NUP35: variants seen among roughly 807,000 people sequenced by gnomAD.
NUP35 encodes nucleoporin NUP35.
NUP35 carries 25 observed loss-of-function variants against 41.5 expected under a neutral mutation model. The observed-to-expected ratio is 0.60, with a 90% CI of 0.44 to 0.84. The LOEUF is 0.84. Among genes scored for constraint, NUP35 ranks in the 40% least tolerant of loss-of-function variants. NUP35 has a pLI of 0.00. For missense variants in NUP35, 396 were observed against 396.6 expected, an observed-to-expected ratio of 1.00 and a Z score of 0.01; for synonymous variants, 149 against 130.7, an observed-to-expected ratio of 1.14 and a Z score of -0.96.
intron 1 of NUP35, among the ~76,000 whole-genome samples, 170 bp from the exon 2 acceptor site, chr2:183,128,117 G>A (rs773299144): frequency 6.6e-5 from 10 of 151,116 alleles, no homozygotes; most frequent in Non-Finnish European, 1.3e-4. Flanking sequence ...CATTTTTCTA[G>A]AAATATTTTT....
intron 4 of NUP35, among the ~76,000 whole-genome samples, chr2:183,150,959 G>A (rs570757360): frequency 1.8e-4 from 28 of 152,330 alleles, no homozygotes; most frequent in African/African-American, 6.7e-4. Flanking sequence ...ATTGGTGGCT[G>A]TTACTGAAGA....
Position 183,161,156 on chromosome 2 carries a change from A to AACTCTGTTTTAGTGTAG in NUP35, c.*25_*26insACTCTGTTTTAGTGTAG. ...GTAGAACACCAAGAAGGAGGTTGCTACACTAAAACAGAGTTAGCAGAGTGC... is the reference window on the plus strand; with the variant it reads ...GTAGAACACCAAGAAGGAGGTTGCTAACTCTGTTTTAGTGTAGCACTAAAACAGAGTTAGCAGAGTGC... On this transcript the variant is annotated 3_prime_UTR_variant, in exon 9 of 9. Coordinates refer to ENST00000295119, the MANE Select transcript of NUP35 (RefSeq NM_138285.5). 2 of 1,568,724 alleles carry AACTCTGTTTTAGTGTAG rather than the reference A, an allele frequency of 1.3e-6. No individual in the cohort carries two copies. The highest frequency in any genetic ancestry group is 1.8e-6 in the Non-Finnish European group (2 of 1,140,476).
intron 3 of NUP35, among the ~76,000 whole-genome samples, chr2:183,132,794 G>A (rs1425194862): frequency 2.0e-5 from 3 of 152,200 alleles, no homozygotes; most frequent in Admixed American, 1.3e-4. Flanking sequence ...TATGCCCCCT[G>A]GAATTTGCTC....
chr2:183,143,898 G>T (rs1038178922), intron 4 of NUP35, among the ~76,000 whole-genome samples: 5 of 152,156 alleles, frequency 3.3e-5, no homozygotes, highest in African/African-American at 1.2e-4. Flanking sequence ...TCGGTATAAT[G>T]TGTGTGCCAT....
Position 183,154,577 on chromosome 2 carries a change from A to G in NUP35, c.540-2867A>G, listed in dbSNP as rs146122570. Among the ~76,000 whole-genome samples the G allele has an allele frequency of 6.4e-3, 975 of 152,266 alleles. 9 individuals are homozygous for G. Among genetic ancestry groups the G allele is most frequent in the African/African-American group, 0.022 (922 of 41,552 alleles). ...AGAGTCACCTTTGCTCCAGTCGCCA[A>G]CAAGTTCCTCATCTCCATCTGAGAC... is the stretch of plus-strand genomic sequence containing the variant. On this transcript the variant is annotated intron_variant, in intron 5 of 8. Coordinates refer to ENST00000295119, the MANE Select transcript of NUP35 (RefSeq NM_138285.5).
chr2:183,147,283 A>G (rs763553243), intron 4 of NUP35, among the ~76,000 whole-genome samples: 9 of 152,186 alleles, frequency 5.9e-5, no homozygotes, highest in Non-Finnish European at 1.0e-4. Context: ...GCCTAGGCCA[A>G]TGTCCAGAAG....
Position 183,128,473 on chromosome 2 carries a change from A to G in NUP35, c.211+16A>G, listed in dbSNP as rs765568758. 7 of 1,604,810 alleles carry G rather than the reference A, an allele frequency of 4.4e-6. No individual in the cohort carries two copies. The South Asian group carries it at 6.7e-5, about 15-fold the overall frequency. Reference sequence around the variant, plus strand: ...TTACTTGCAGGTAGGTGAATTGCTTAAAATAATTTTATAGACATGCTAGAT... The same window carrying G: ...TTACTTGCAGGTAGGTGAATTGCTTGAAATAATTTTATAGACATGCTAGAT... On this transcript the variant is annotated intron_variant, in intron 2 of 8. Coordinates refer to ENST00000295119, the MANE Select transcript of NUP35 (RefSeq NM_138285.5).
chr2:183,141,310 GA>G (rs1685089049), intron 4 of NUP35, among the ~76,000 whole-genome samples: 1 of 152,086 alleles, frequency 6.6e-6, no homozygotes, highest in African/African-American at 2.4e-5. Context: ...CCCATCTGAG[GA>G]TCTGTAATCA....
In NUP35 at chr2:183,133,585, A is replaced by G. The variant is rs1684772821; in HGVS notation, c.359A>G (p.Gln120Arg). 3 of 1,601,948 alleles carry G rather than the reference A, an allele frequency of 1.9e-6. No individual in the cohort carries two copies. The highest frequency in any genetic ancestry group is 2.6e-6 in the Non-Finnish European group (3 of 1,176,378). ...GTGTAGCCAAACATTTCAGTAATGC[A>G]GAGTCCTCTTGTTGGAGTTACATCT... is the stretch of plus-strand genomic sequence containing the variant. Reference protein sequence around the residue: ...SRRQPNISVMQSPLVGVTSTP... With the variant: ...SRRQPNISVMRSPLVGVTSTP... The change falls in exon 4 of 9, where the codon CAG (glutamine) becomes CGG (arginine). Residue 120 changes from glutamine to arginine, a missense_variant. Coordinates refer to ENST00000295119, the MANE Select transcript of NUP35 (RefSeq NM_138285.5).
chr2:183,118,207 T>C (rs1233291436), intron 1 of NUP35: 1 of 152,198 alleles, frequency 6.6e-6, no homozygotes, highest in Non-Finnish European at 1.5e-5. Flanking sequence ...AGGAAACAGG[T>C]TCCATTTGAC....
upstream of NUP35, among the ~76,000 whole-genome samples, chr2:183,121,955 T>C (rs1700074636): frequency 6.7e-6 from 1 of 150,072 alleles, no homozygotes; most frequent in Admixed American, 6.7e-5. Context: ...CTAGGGTACA[T>C]GTGCACAACG....
chr2:183,129,753 C>A (rs900378263), intron 2 of NUP35, among the ~76,000 whole-genome samples: 3 of 152,190 alleles, frequency 2.0e-5, no homozygotes, highest in Admixed American at 1.3e-4. Flanking sequence ...TAGTCTTATT[C>A]CATAGACTGT....
chr2:183,159,357 A>G (rs1685784680), intron 7 of NUP35, 131 bp from the exon 8 acceptor site: 3 of 727,718 alleles, frequency 4.1e-6, no homozygotes, highest in East Asian at 5.9e-5. Flanking sequence ...GCCTAAAATT[A>G]TTTGCAAGTT....
At chr2:183,133,885 A>G (rs1474714599) in intron 4 of NUP35, among the ~76,000 whole-genome samples, 1 of 152,184 alleles carries the variant, frequency 6.6e-6, no homozygotes, top group Non-Finnish European at 1.5e-5. Context: ...TCTGAATCAA[A>G]TCACCCTAAA....
At chr2:183,117,817 G>A (rs1187817271) in intron 1 of NUP35, among the ~76,000 whole-genome samples, 1 of 152,148 alleles carries the variant, frequency 6.6e-6, no homozygotes, top group Admixed American at 6.5e-5. Context: ...GCAGTTTGGT[G>A]TGGATATATT....
intron 5 of NUP35, among the ~76,000 whole-genome samples, chr2:183,155,154 CACATGCTGA>C (rs1685610739): frequency 6.6e-6 from 1 of 152,128 alleles, no homozygotes; most frequent in Non-Finnish European, 1.5e-5. Context: ...TGAACTGTAT[CACATGCTGA>C]TACTGGAATG....
chr2:183,136,980 C>T (rs943564438), intron 4 of NUP35, among the ~76,000 whole-genome samples: 16 of 152,066 alleles, frequency 1.1e-4, no homozygotes, highest in Admixed American at 3.3e-4. Flanking sequence ...ATCCCAGCTA[C>T]TTGGGAGGCT....
intron 8 of NUP35, 126 bp downstream of exon 8, chr2:183,159,778 A>G (rs1685803545): frequency 3.0e-6 from 2 of 666,752 alleles, no homozygotes; most frequent in Non-Finnish European, 4.7e-6. Flanking sequence ...CCTTGATGAA[A>G]CCTTTACGCT....
At chr2:183,127,472 T>C (rs1684535439) in intron 1 of NUP35, among the ~76,000 whole-genome samples, 1 of 152,160 alleles carries the variant, frequency 6.6e-6, no homozygotes, top group Non-Finnish European at 1.5e-5. Flanking sequence ...AAAATAAGTT[T>C]TCGACTCTTT....
Sources: allele counts gnomAD v4.1 joint callset (sites outside exome capture counted in the v4.1 genomes callset), GRCh38; gene constraint gnomAD v4.1.1; transcripts MANE v1.5; gene names NCBI Gene and HGNC (gene_info 2026-07-23, HGNC 2026-07-21).